The following HDAC4 variants were observed in gnomAD, a reference collection of about 807,000 sequenced individuals.
HDAC4 encodes the protein histone deacetylase 4, also known as histone deacetylase A.
Under a neutral mutation model 135.1 loss-of-function variants are expected in HDAC4, and 16 were observed. The observed-to-expected ratio is 0.12, with a 90% CI of 0.08 to 0.18. The LOEUF is 0.18. HDAC4 is among the 10% of genes least tolerant of loss of function. The pLI is 1.00. For synonymous variants in HDAC4, 685 were observed against 653.4 expected, an observed-to-expected ratio of 1.05 and a Z score of -0.74; for missense variants, 1,143 against 1,511.8, an observed-to-expected ratio of 0.76 and a Z score of 4.05.
At chr2:239,267,048 G>A (rs897535573) in intron 2 of HDAC4, among the ~76,000 whole-genome samples, 5 of 152,150 alleles carry the variant, frequency 3.3e-5, no homozygotes, top group Non-Finnish European at 5.9e-5. Context: ...TGTGCAGAGG[G>A]AGAGTAAGTG....
chr2:239,185,723 G>A (rs1466066023), intron 4 of HDAC4, among the ~76,000 whole-genome samples: 1 of 152,174 alleles, frequency 6.6e-6, no homozygotes, highest in Non-Finnish European at 1.5e-5. Flanking sequence ...TCTTCTGGGA[G>A]GCATTGATCA....
intron 17 of HDAC4, chr2:239,094,776 C>T: frequency 7.2e-7 from 1 of 1,392,366 alleles, no homozygotes. Flanking sequence ...AGCCACTGCA[C>T]CCCAGAGCCC....
intron 2 of HDAC4, among the ~76,000 whole-genome samples, chr2:239,346,229 C>T (rs1015315923): frequency 4.0e-5 from 6 of 150,090 alleles, no homozygotes; most frequent in African/African-American, 1.5e-4. Flanking sequence ...CATATCCTGT[C>T]TAAAACACAC....
chr2:239,156,232 G>A (rs555015513), intron 7 of HDAC4, among the ~76,000 whole-genome samples: 2 of 152,296 alleles, frequency 1.3e-5, no homozygotes, highest in African/African-American at 4.8e-5. Flanking sequence ...GGACCTGGAA[G>A]GCCCTGCTGC....
At chr2:239,092,856 T>G (rs541589451) in intron 17 of HDAC4, among the ~76,000 whole-genome samples, 14 of 152,302 alleles carry the variant, frequency 9.2e-5, no homozygotes, top group African/African-American at 3.4e-4. Flanking sequence ...TTTCTTTTTT[T>G]TTTTGTTTTC....
intron 1 of HDAC4, among the ~76,000 whole-genome samples, chr2:239,383,711 G>T (rs72993777): frequency 0.096 from 14,656 of 152,104 alleles, 768 homozygotes; most frequent in Middle Eastern, 0.17. Flanking sequence ...AGGGCGTGGG[G>T]TGGGGGGCAG....
intron 3 of HDAC4, among the ~76,000 whole-genome samples, chr2:239,194,292 C>G (rs2045214841): frequency 6.6e-6 from 1 of 152,230 alleles, no homozygotes. Flanking sequence ...ATTCTTTAAT[C>G]TGTTCCTTAA....
At position 239,285,990 on chromosome 2, in the gene HDAC4, A is replaced by T. The variant is rs927830274; in HGVS notation, c.23-49326T>A. 2.0e-5 allele frequency among the ~76,000 whole-genome samples: 3 copies of T among 152,154 alleles called. No individual in the cohort carries two copies. Among genetic ancestry groups the T allele is most frequent in the Non-Finnish European group, 4.4e-5 (3 of 68,026 alleles). ...CGCTCCCAAGCAAACACAAGCCAACACAGAAAGAAGTGAAAAAAGGCAGCA... is the reference window on the plus strand; with the variant it reads ...CGCTCCCAAGCAAACACAAGCCAACTCAGAAAGAAGTGAAAAAAGGCAGCA... On this transcript the variant is annotated intron_variant, in intron 2 of 26. Coordinates refer to ENST00000543185, the MANE Select transcript of HDAC4 (RefSeq NM_001378414.1). This position sits in a 1 kb window ranked among gnomAD's most constrained non-coding sequence, Gnocchi z 4.5.
Position 239,375,443 on chromosome 2 carries a change from G to A in HDAC4, c.-219-22525C>T, listed in dbSNP as rs901949682. ...GGCCCACGGCCAGCCCAACCCCACC[G>A]TGAGGATGTGTGAAGCGAAGCCCCT... is the stretch of plus-strand genomic sequence containing the variant. On this transcript the variant is annotated intron_variant, in intron 1 of 26. Transcript: ENST00000543185. Among the ~76,000 whole-genome samples the A allele has an allele frequency of 2.6e-5, 4 of 152,218 alleles. No individual in the cohort carries two copies. In the East Asian group the frequency reaches 5.8e-4, roughly 22 times the overall value.
rs1559329087 is a variant in HDAC4, at chr2:239,049,098, C to A, written c.*3999G>T. On this transcript the variant is annotated 3_prime_UTR_variant, in exon 27 of 27. Transcript: ENST00000543185. Reference sequence around the variant, plus strand: ...AATTCTGAGTAGTTTCCCTAAAACACTGTTTCCACATAAATACAATAAACT... The same window carrying A: ...AATTCTGAGTAGTTTCCCTAAAACAATGTTTCCACATAAATACAATAAACT... 1 of 152,284 alleles carries A rather than the reference C, an allele frequency of 6.6e-6. No homozygotes were observed. The highest frequency in any genetic ancestry group is 1.5e-5 in the Non-Finnish European group (1 of 68,052). The allele number at this position is 152,284 out of a possible 1,614,324, so 9.4% of individuals were successfully genotyped here.
chr2:239,276,970 C>G (rs1008436867), intron 2 of HDAC4, among the ~76,000 whole-genome samples: 1 of 152,146 alleles, frequency 6.6e-6, no homozygotes, highest in African/African-American at 2.4e-5. Context: ...ATTCGAGAGT[C>G]AGCTGTGGAG....
At position 239,226,520 on chromosome 2, in the gene HDAC4, T is replaced by C. The variant is rs112552694; in HGVS notation, c.94+10073A>G. Among the ~76,000 whole-genome samples, 797 of 152,226 alleles carry C rather than the reference T, an allele frequency of 5.2e-3. 4 individuals are homozygous for C. Among genetic ancestry groups the C allele is most frequent in the African/African-American group, 0.013 (549 of 41,540 alleles). On this transcript the variant is annotated intron_variant, in intron 3 of 26. Transcript: ENST00000543185. ...CGGTTTTAGAAGCACCCAGAGGATA[T>C]TTCTCAGACAGCACCCCCAATTCTC...
chr2:239,364,675 T>C (rs562454939), intron 1 of HDAC4, among the ~76,000 whole-genome samples: 3 of 152,374 alleles, frequency 2.0e-5, no homozygotes, highest in Non-Finnish European at 4.4e-5. Flanking sequence ...ATGTATTTTA[T>C]AATTCAATAA....
chr2:239,374,917 G>A (rs1575772097), intron 1 of HDAC4, among the ~76,000 whole-genome samples: 3 of 152,196 alleles, frequency 2.0e-5, no homozygotes, highest in African/African-American at 7.2e-5. Context: ...CGGGCACCCT[G>A]TGTAAGTCAG....
At position 239,349,220 on chromosome 2, in the gene HDAC4, CAGAGGACGGCACG is replaced by C. The variant is rs1692942337; in HGVS notation, c.22+3445_22+3457del. On this transcript the variant is annotated intron_variant, in intron 2 of 26. Coordinates refer to ENST00000543185, the MANE Select transcript of HDAC4 (RefSeq NM_001378414.1). This position sits in a 1 kb window ranked among gnomAD's most constrained non-coding sequence, Gnocchi z 5.7. The stretch of plus-strand genomic sequence containing the variant: ...CAGGGCGAAGGACAGGGCCAGCTAG[CAGAGGACGGCACG>C]AGAGACACACGGAGGGAGGGGAGGT... Among the ~76,000 whole-genome samples the C allele has an allele frequency of 6.6e-6, 1 of 152,076 alleles. No individual in the cohort carries two copies. Among genetic ancestry groups the C allele is most frequent in the Non-Finnish European group, 1.5e-5 (1 of 68,016 alleles).
chr2:239,226,150 C>T (rs1352111547), intron 3 of HDAC4, among the ~76,000 whole-genome samples: 5 of 152,032 alleles, frequency 3.3e-5, no homozygotes, highest in Non-Finnish European at 4.4e-5. Flanking sequence ...TTAAAGCACA[C>T]AAAGCTGGTA....
chr2:239,395,800 C>A (rs1251403475), intron 1 of HDAC4, among the ~76,000 whole-genome samples: 1 of 151,944 alleles, frequency 6.6e-6, no homozygotes, highest in African/African-American at 2.4e-5. Context: ...ATAAATAATG[C>A]AGCCCCGACC....
chr2:239,056,287 C>A (rs1280043182), intron 24 of HDAC4, among the ~76,000 whole-genome samples: 1 of 152,244 alleles, frequency 6.6e-6, no homozygotes, highest in Non-Finnish European at 1.5e-5. Context: ...GAGCGAGGTT[C>A]CCAATCCCAT....
At position 239,200,791 on chromosome 2, in the gene HDAC4, C is replaced by T. The variant is rs567800287; in HGVS notation, c.95-10714G>A. On this transcript the variant is annotated intron_variant, in intron 3 of 26. Coordinates refer to ENST00000543185, the MANE Select transcript of HDAC4 (RefSeq NM_001378414.1). The stretch of plus-strand genomic sequence containing the variant: ...CGCGTCACAGGCAGATTGCATTCGA[C>T]GCCGTGCTCGGAGTGGCGTTCTCGG... Among the ~76,000 whole-genome samples the T allele has an allele frequency of 9.9e-4, 150 of 152,020 alleles. 1 individual carries two copies. Among genetic ancestry groups the T allele is most frequent in the Admixed American group, 1.6e-3 (25 of 15,268 alleles).
Sources: gnomAD v4.1 joint callset for allele counts (sites outside exome capture counted in the v4.1 genomes callset) on GRCh38, gnomAD v4.1.1 for gene constraint, Gnocchi (gnomAD v3.1) non-coding constraint, MANE v1.5 for transcripts, NCBI Gene and HGNC (gene_info 2026-07-23, HGNC 2026-07-21) for gene names.